Variants in ADAM23 observed in about 807,000 individuals in gnomAD.
The protein encoded by ADAM23 is ADAM metallopeptidase domain 23.
In ADAM23, 33 loss-of-function variants were observed where a neutral mutation model predicts 120.1. The observed-to-expected ratio is 0.27, with a 90% confidence interval of 0.21 to 0.37. The LOEUF (loss-of-function observed/expected upper bound fraction) is 0.37, where lower values mean the gene tolerates loss of function less well. Ranked by LOEUF, ADAM23 falls within the 10% of genes least tolerant of loss-of-function variation. The pLI, the probability that ADAM23 is intolerant of heterozygous loss-of-function variation, is 1.00. For synonymous variants in ADAM23, 367 were observed against 375.2 expected (o/e 0.98, Z 0.25); for missense variants, 862 against 1,058.2 (o/e 0.81, Z 2.57).
chr2:206,557,957 G>C lies in ADAM23; in HGVS notation c.1005+459G>C, dbSNP rs183190059. Among the ~76,000 whole-genome samples the C allele has an allele frequency of 1.5e-4, 23 of 152,226 alleles. No individual in the cohort carries two copies. In the East Asian group the frequency reaches 3.9e-3, roughly 26 times the overall value. On this transcript the variant is annotated intron_variant, in intron 10 of 25. Coordinates refer to ENST00000264377, the MANE Select transcript of ADAM23 (RefSeq NM_003812.4). ...TTAAGGACACAAATATATTTTCTTA[G>C]TGTTCCCATTGGTGTGATATTTCAT... is the stretch of plus-strand genomic sequence containing the variant.
intron 4 of ADAM23, among the ~76,000 whole-genome samples, chr2:206,541,151 G>A (rs1352003876): frequency 6.6e-6 from 1 of 150,928 alleles, no homozygotes; most frequent in Non-Finnish European, 1.5e-5. Flanking sequence ...GGGCAGCAGG[G>A]TAAGACCCCG....
At chr2:206,503,906 G>A (rs1360976319) in intron 3 of ADAM23, among the ~76,000 whole-genome samples, 3 of 152,074 alleles carry the variant, frequency 2.0e-5, no homozygotes, top group African/African-American at 4.8e-5. Context: ...CTGCAACTAC[G>A]TAAATTTTGA....
intron 2 of ADAM23, among the ~76,000 whole-genome samples, chr2:206,448,797 C>T (rs1332874409): frequency 6.6e-6 from 1 of 152,204 alleles, no homozygotes; most frequent in African/African-American, 2.4e-5. Flanking sequence ...CATTGAAGAT[C>T]CTCGCCCTAT....
chr2:206,474,755 C>A (rs1314529070), intron 2 of ADAM23, among the ~76,000 whole-genome samples: 1 of 151,852 alleles, frequency 6.6e-6, no homozygotes, highest in East Asian at 1.9e-4. Flanking sequence ...TTGTATTTTT[C>A]ATAGAGGCAG....
rs1698039930 is a variant in ADAM23 at position 206,573,199 on chromosome 2, T to C, written c.1737+4T>C. The C allele has an allele frequency of 6.2e-7, 1 of 1,613,754 alleles. No homozygotes were observed. Among genetic ancestry groups the C allele is most frequent in the Non-Finnish European group, 8.5e-7 (1 of 1,179,650 alleles). On this transcript the variant is annotated splice_donor_region_variant and intron_variant, in intron 18 of 25. Transcript: ENST00000264377. ...TTGTACTGGAGACTCTGGTCAGGTA[T>C]GGCGCACTGAGTTTTTGGTAATACA... is the stretch of plus-strand genomic sequence containing the variant.
At chr2:206,456,228 T>C (rs1344423590) in intron 2 of ADAM23, among the ~76,000 whole-genome samples, 3 of 151,828 alleles carry the variant, frequency 2.0e-5, no homozygotes, top group African/African-American at 7.3e-5. Context: ...CACCTTACCA[T>C]GGTGGAGCAG....
chr2:206,452,112 C>T (rs1164306036), intron 2 of ADAM23, among the ~76,000 whole-genome samples: 3 of 152,198 alleles, frequency 2.0e-5, no homozygotes, highest in Non-Finnish European at 4.4e-5. Context: ...AGTAACCCAC[C>T]TACAGGTAAG....
chr2:206,445,030 G>C (rs1396175835), intron 1 of ADAM23, among the ~76,000 whole-genome samples: 1 of 148,484 alleles, frequency 6.7e-6, no homozygotes, highest in Non-Finnish European at 1.5e-5. Flanking sequence ...GTATAGATTT[G>C]AGTCTGACTA....
chr2:206,603,947 C>T (rs1313724443), intron 24 of ADAM23, among the ~76,000 whole-genome samples: 1 of 150,768 alleles, frequency 6.6e-6, no homozygotes, highest in African/African-American at 2.4e-5. Flanking sequence ...AGAACCAATG[C>T]CTGAAACTTA....
At chr2:206,477,895 AAAAT>A (rs1334502096) in intron 2 of ADAM23, among the ~76,000 whole-genome samples, 10 of 102,168 alleles carry the variant, frequency 9.8e-5, no homozygotes, top group East Asian at 2.4e-4. Flanking sequence ...AAAAAAAAAA[AAAAT>A]ATATATATAT....
At chr2:206,594,664 G>A (rs1390857368) in intron 22 of ADAM23, 73 bp from the exon 23 acceptor site, 1 of 1,571,312 alleles carries the variant, frequency 6.4e-7, no homozygotes, top group East Asian at 2.3e-5. Context: ...GTTTTGTGAA[G>A]AGCAAGCCTC....
chr2:206,514,652 C>G (rs945416975), intron 3 of ADAM23, among the ~76,000 whole-genome samples: 1 of 152,182 alleles, frequency 6.6e-6, no homozygotes, highest in Non-Finnish European at 1.5e-5. Flanking sequence ...AGAAGTTCTG[C>G]TGCGGGTAAA....
intron 18 of ADAM23, among the ~76,000 whole-genome samples, chr2:206,579,880 G>A (rs905512324): frequency 4.6e-5 from 7 of 151,810 alleles, no homozygotes; most frequent in Non-Finnish European, 7.4e-5. Context: ...ATTTCCATTT[G>A]TTTGTGTCAT....
At chr2:206,577,396 A>G (rs1467598656) in intron 18 of ADAM23, among the ~76,000 whole-genome samples, 35 of 130,278 alleles carry the variant, frequency 2.7e-4, no homozygotes, top group Middle Eastern at 3.6e-3. Context: ...ATATCTCCCA[A>G]TGCTATCCCT....
intron 24 of ADAM23, 36 bp from the exon 25 acceptor site, chr2:206,609,873 GT>G (rs1309388955): frequency 1.3e-6 from 2 of 1,563,046 alleles, no homozygotes; most frequent in Non-Finnish European, 1.7e-6. Flanking sequence ...AAAGTGGTTG[GT>G]TCATATGACT....
chr2:206,502,088 G>A (rs1325020367), intron 3 of ADAM23, among the ~76,000 whole-genome samples: 2 of 152,058 alleles, frequency 1.3e-5, no homozygotes, highest in Non-Finnish European at 2.9e-5. Context: ...TTGATTTGGG[G>A]AATGATGGTG....
intron 3 of ADAM23, among the ~76,000 whole-genome samples, chr2:206,499,384 A>C (rs1372685323): frequency 6.6e-6 from 1 of 151,334 alleles, no homozygotes; most frequent in Admixed American, 6.6e-5. Flanking sequence ...TCAGCAAACT[A>C]TCGCAAGGAC....
At chr2:206,536,550 T>C (rs2105802556) in intron 4 of ADAM23, among the ~76,000 whole-genome samples, 1 of 152,280 alleles carries the variant, frequency 6.6e-6, no homozygotes, top group South Asian at 2.1e-4. Flanking sequence ...GTCAGTCATA[T>C]TGTATGATGG....
chr2:206,603,111 A>G (rs374744739), intron 24 of ADAM23, among the ~76,000 whole-genome samples: 2 of 152,346 alleles, frequency 1.3e-5, no homozygotes, highest in African/African-American at 4.8e-5. Flanking sequence ...AGTTCCTTGA[A>G]CAAAAAAAAA....
Sources: gnomAD v4.1 joint callset for allele counts (sites outside exome capture counted in the v4.1 genomes callset) on GRCh38, gnomAD v4.1.1 for gene constraint, MANE v1.5 for transcripts, NCBI Gene and HGNC (gene_info 2026-07-23, HGNC 2026-07-21) for gene names.